Variants in LNX1 observed in about 807,000 individuals in gnomAD.
LNX1 encodes the protein E3 ubiquitin-protein ligase LNX.
A neutral mutation model predicts 68.4 loss-of-function variants in LNX1; 54 were observed. The ratio of observed to expected loss-of-function variants is 0.79; its 90% CI spans 0.63 to 0.99. The LOEUF (loss-of-function observed/expected upper bound fraction) is 0.99, where lower values mean the gene tolerates loss of function less well. Among genes scored for constraint, LNX1 ranks in the 50% least tolerant of loss-of-function variants. The pLI, the probability that LNX1 is intolerant of heterozygous loss-of-function variation, is 0.00. For missense variants in LNX1, 906 were observed against 926.4 expected (o/e 0.98, Z 0.29); for synonymous variants, 336 against 350.0 (o/e 0.96, Z 0.45).
intron 2 of LNX1, among the ~76,000 whole-genome samples, chr4:53,597,129 T>G (rs1317968807): frequency 1.3e-5 from 2 of 152,154 alleles, no homozygotes; most frequent in Non-Finnish European, 2.9e-5. Context: ...GCCAGCCTCT[T>G]TTTCTACGAG....
intron 2 of LNX1, among the ~76,000 whole-genome samples, chr4:53,543,915 AC>A (rs199525597): frequency 1.3e-5 from 2 of 151,810 alleles, no homozygotes; most frequent in Admixed American, 1.3e-4. Flanking sequence ...AAACAAAAAA[AC>A]AAAACAATAA....
At chr4:53,559,838 T>G (rs569659955) in intron 2 of LNX1, among the ~76,000 whole-genome samples, 1 of 149,600 alleles carries the variant, frequency 6.7e-6, no homozygotes, top group African/African-American at 2.5e-5. Context: ...AATTAAAATC[T>G]TTTTCAGAGA....
intron 1 of LNX1, among the ~76,000 whole-genome samples, chr4:53,591,143 A>C (rs1325040504): frequency 6.6e-6 from 1 of 152,222 alleles, no homozygotes; most frequent in Admixed American, 6.5e-5. Flanking sequence ...GAGGACAAGC[A>C]CAGGCTGGAT....
intron 1 of LNX1, among the ~76,000 whole-genome samples, chr4:53,586,654 G>A (rs773768666): frequency 3.5e-4 from 54 of 152,188 alleles, no homozygotes; most frequent in Non-Finnish European, 5.6e-4. Context: ...CAAGGAACTT[G>A]GCTTTCTAGA....
chr4:53,511,818 G>C (rs896680731), intron 2 of LNX1, among the ~76,000 whole-genome samples: 2 of 152,100 alleles, frequency 1.3e-5, no homozygotes, highest in Admixed American at 6.6e-5. Flanking sequence ...CTCTGCAAAG[G>C]TCACCCAACA....
At chr4:53,513,550 C>G (rs865814646) in intron 2 of LNX1, among the ~76,000 whole-genome samples, 2 of 152,346 alleles carry the variant, frequency 1.3e-5, no homozygotes, top group Middle Eastern at 6.8e-3. Flanking sequence ...CAAACCAGCT[C>G]TTCCCACATG....
chr4:53,651,104 A>G (rs1735079368), intron 1 of LNX1, among the ~76,000 whole-genome samples: 1 of 152,222 alleles, frequency 6.6e-6, no homozygotes, highest in South Asian at 2.1e-4. Flanking sequence ...CCAAGAATCA[A>G]GAACAGACAG....
At chr4:53,548,808 A>C (rs1052382508) in intron 2 of LNX1, among the ~76,000 whole-genome samples, 52 of 152,252 alleles carry the variant, frequency 3.4e-4, no homozygotes, top group African/African-American at 1.3e-3. Flanking sequence ...GGTAATGAAA[A>C]TGTGGTATAG....
intron 1 of LNX1, among the ~76,000 whole-genome samples, chr4:53,646,321 C>A (rs1734881291): frequency 6.6e-6 from 1 of 152,148 alleles, no homozygotes; most frequent in South Asian, 2.1e-4. Context: ...ATGGAGAGAG[C>A]TCTTCCCTGG....
chr4:53,590,380 TAGAATGA>T (rs1389348987), intron 1 of LNX1, among the ~76,000 whole-genome samples: 1 of 152,242 alleles, frequency 6.6e-6, no homozygotes, highest in African/African-American at 2.4e-5. Flanking sequence ...TGTTGGAATC[TAGAATGA>T]AGTGTCTCGC....
chr4:53,641,143 G>C (rs755797237), intron 1 of LNX1, among the ~76,000 whole-genome samples: 2 of 148,906 alleles, frequency 1.3e-5, no homozygotes, highest in East Asian at 4.0e-4. Context: ...TGGTTTTTTG[G>C]CCTGGGTATG....
rs543378361 is a variant in LNX1, at chr4:53,485,300, T to C, written c.1351-3446A>G. Among the ~76,000 whole-genome samples, 11 of 152,334 alleles carry C rather than the reference T, an allele frequency of 7.2e-5. No individual in the cohort carries two copies. In the East Asian group the frequency reaches 1.9e-3, roughly 27 times the overall value. On this transcript the variant is annotated intron_variant, in intron 6 of 10. Coordinates refer to ENST00000263925, the MANE Select transcript of LNX1 (RefSeq NM_001126328.3). ...TTGAAGGATCCCAGCAGAGTGTCCA[T>C]AGGCTTGCAAATTGTATCATGTTCA... is the stretch of plus-strand genomic sequence containing the variant.
intron 2 of LNX1, among the ~76,000 whole-genome samples, chr4:53,561,123 AAG>A (rs1446792087): frequency 5.3e-5 from 8 of 152,326 alleles, no homozygotes; most frequent in African/African-American, 1.9e-4. Flanking sequence ...AGGTCACAGT[AAG>A]GATGTATGTC....
intron 2 of LNX1, among the ~76,000 whole-genome samples, chr4:53,609,192 AATC>A (rs1733368605): frequency 6.6e-6 from 1 of 152,144 alleles, no homozygotes; most frequent in Admixed American, 6.5e-5. Flanking sequence ...TGGCTGGAAA[AATC>A]ATCTGTATAC....
intron 2 of LNX1, among the ~76,000 whole-genome samples, chr4:53,550,665 A>G (rs1407974406): frequency 3.3e-5 from 5 of 152,196 alleles, no homozygotes; most frequent in African/African-American, 9.6e-5. Context: ...CACCCCAGAA[A>G]AAATCCAACC....
intron 2 of LNX1, among the ~76,000 whole-genome samples, chr4:53,567,673 C>CA (rs1401430983): frequency 2.0e-5 from 3 of 151,838 alleles, no homozygotes; most frequent in Admixed American, 1.3e-4. Flanking sequence ...AATAGAGACA[C>CA]AAAAAACCCT....
At chr4:53,607,784 A>G (rs1164987165) in intron 2 of LNX1, among the ~76,000 whole-genome samples, 3 of 152,176 alleles carry the variant, frequency 2.0e-5, no homozygotes, top group Non-Finnish European at 2.9e-5. Flanking sequence ...ACATAGACCA[A>G]CAGAACAGAC....
rs747540639 is a variant in LNX1, at chr4:53,508,247, G to A, written c.381-20C>T. The A allele has an allele frequency of 3.7e-6, 6 of 1,607,304 alleles. No homozygotes were observed. The highest frequency in any genetic ancestry group is 3.4e-6 in the Non-Finnish European group (4 of 1,174,564). On this transcript the variant is annotated intron_variant, in intron 2 of 10. Coordinates refer to ENST00000263925, the MANE Select transcript of LNX1 (RefSeq NM_001126328.3). ...TTACAGCTGTAACAGAACCAGCGGG[G>A]AGGTGAAGAAGAGCTTTGGCTCTGC...
At chr4:53,492,339 C>T (rs1371764558) in intron 6 of LNX1, among the ~76,000 whole-genome samples, 2 of 152,014 alleles carry the variant, frequency 1.3e-5, no homozygotes, top group East Asian at 1.9e-4. Context: ...TTGAAGAGCA[C>T]CAAGAAGGCA....
Sources: gnomAD v4.1 joint callset for allele counts (sites outside exome capture counted in the v4.1 genomes callset) on GRCh38, gnomAD v4.1.1 for gene constraint, MANE v1.5 for transcripts, NCBI Gene and HGNC (gene_info 2026-07-23, HGNC 2026-07-21) for gene names.